The following VPS13B variants were observed in gnomAD, a reference collection of about 807,000 sequenced individuals.
The protein encoded by VPS13B is intermembrane lipid transfer protein VPS13B.
In VPS13B, 285 loss-of-function variants were observed where a neutral mutation model predicts 426.4. That is an observed-to-expected ratio of 0.67 (90% CI 0.61 to 0.74). The LOEUF (loss-of-function observed/expected upper bound fraction) is 0.74. Among genes scored for constraint, VPS13B ranks in the 30% least tolerant of loss-of-function variants. The pLI is 0.00. For missense variants in VPS13B, 4,537 were observed against 4,782.6 expected, an observed-to-expected ratio of 0.95 and a Z score of 1.51; for synonymous variants, 1,676 against 1,676.4, an observed-to-expected ratio of 1.00 and a Z score of 0.01.
chr8:99,476,696 C>T (rs1354625410), intron 24 of VPS13B, among the ~76,000 whole-genome samples: 2 of 151,924 alleles, frequency 1.3e-5, no homozygotes, highest in Non-Finnish European at 2.9e-5. Context: ...AAAAATAAAA[C>T]GTTGCAATCA....
chr8:99,055,765 T>G (rs1843812947), intron 3 of VPS13B, among the ~76,000 whole-genome samples: 1 of 152,084 alleles, frequency 6.6e-6, no homozygotes, highest in Non-Finnish European at 1.5e-5. Flanking sequence ...GGTCTTACTT[T>G]GTCACCCAAG....
chr8:99,721,547 A>G (rs1042944569), intron 39 of VPS13B, among the ~76,000 whole-genome samples: 4 of 151,728 alleles, frequency 2.6e-5, no homozygotes, highest in African/African-American at 9.7e-5. Flanking sequence ...AGGTTTTGTG[A>G]AAGTGTGTTG....
chr8:99,192,965 T>C lies in VPS13B; in HGVS notation c.2423T>C (p.Leu808Ser). 6.2e-7 allele frequency: 1 copy of C among 1,613,738 alleles called. No individual in the cohort carries two copies. Among genetic ancestry groups the C allele is most frequent in the Non-Finnish European group, 8.5e-7 (1 of 1,179,826 alleles). ...GCTACAAGAGCACAGACACTTCTCT[T>C]GCAAGCAATATATCAAAGTTGGTCT... ...IQATRAQTLL[L>S]QAIYQSWSHL... The change falls in exon 17 of 62, where the codon TTG becomes TCG. Residue 808 changes from leucine to serine, a missense_variant. By Grantham distance (145) the Leu-to-Ser change is moderately radical. This residue lies in a region of VPS13B where 4,311 missense variants were observed against 4,474.3 expected (regional missense o/e 0.96). Coordinates refer to ENST00000357162, the MANE Select transcript of VPS13B (RefSeq NM_152564.5).
intron 31 of VPS13B, among the ~76,000 whole-genome samples, chr8:99,560,438 T>C (rs948831273): frequency 6.6e-6 from 1 of 152,174 alleles, no homozygotes; most frequent in Non-Finnish European, 1.5e-5. Flanking sequence ...TAACATATTT[T>C]ATTCTAATTA....
intron 50 of VPS13B, 152 bp downstream of exon 50, chr8:99,821,634 C>A: frequency 1.1e-6 from 1 of 947,630 alleles, no homozygotes; most frequent in South Asian, 1.5e-5. Flanking sequence ...ACTTCTTAGA[C>A]CTCTGTTTTA....
intron 17 of VPS13B, among the ~76,000 whole-genome samples, chr8:99,225,372 C>T (rs1030528211): frequency 2.0e-5 from 3 of 151,806 alleles, no homozygotes; most frequent in Non-Finnish European, 2.9e-5. Context: ...GTTCGCCTCC[C>T]GGGTTCACGC....
intron 19 of VPS13B, among the ~76,000 whole-genome samples, chr8:99,320,507 T>C (rs1319880778): frequency 6.6e-6 from 1 of 152,240 alleles, no homozygotes; most frequent in South Asian, 2.1e-4. Flanking sequence ...GTTACTTGTT[T>C]AACTTTAATC....
intron 19 of VPS13B, among the ~76,000 whole-genome samples, chr8:99,382,357 G>A (rs1019924386): frequency 6.6e-6 from 1 of 152,068 alleles, no homozygotes; most frequent in Admixed American, 6.5e-5. Flanking sequence ...TTCTAGTTCT[G>A]TGAAGAGTGT....
rs1814197860 is a variant in VPS13B at position 99,818,832 on chromosome 8, A to G, written c.8565A>G (p.Glu2855=). 2 of 1,614,090 alleles carry G rather than the reference A, an allele frequency of 1.2e-6. No individual in the cohort carries two copies. The highest frequency in any genetic ancestry group is 1.7e-6 in the Non-Finnish European group (2 of 1,179,980). Residue 2855 remains glutamate (E), a synonymous_variant, in exon 47 of 62, where the codon GAA becomes GAG. Transcript: ENST00000357162. ...AAATTATTCCAGGAAAAGGGCAGGA[A>G]AAACCACTGCAAAACATAGAACCTG... ...ETQIIPGKGQ[E]KPLQNIEPDL...
chr8:99,581,151 C>T (rs952531982), intron 33 of VPS13B, among the ~76,000 whole-genome samples: 3 of 151,090 alleles, frequency 2.0e-5, no homozygotes, highest in Non-Finnish European at 4.4e-5. Flanking sequence ...CCATTGCACT[C>T]CAACCAGGTA....
chr8:99,051,041 C>T (rs1843520279), intron 3 of VPS13B, among the ~76,000 whole-genome samples: 1 of 152,076 alleles, frequency 6.6e-6, no homozygotes, highest in Admixed American at 6.6e-5. Flanking sequence ...TTAATTAGAT[C>T]CCATTTGTCC....
At chr8:99,276,742 T>C (rs184584135) in intron 19 of VPS13B, among the ~76,000 whole-genome samples, 92 of 152,296 alleles carry the variant, frequency 6.0e-4, no homozygotes, top group Middle Eastern at 6.8e-3. Context: ...CTTAAATATA[T>C]TGTTTAGTAA....
intron 19 of VPS13B, among the ~76,000 whole-genome samples, chr8:99,281,093 A>G (rs1819146498): frequency 6.6e-6 from 1 of 152,028 alleles, no homozygotes; most frequent in Admixed American, 6.6e-5. Flanking sequence ...TACTCTTCCA[A>G]CTCAGATCAT....
At chr8:99,696,922 G>T in intron 35 of VPS13B, 4 of 724,590 alleles carry the variant, frequency 5.5e-6, no homozygotes, top group South Asian at 4.2e-5. Context: ...CTCCATAAAG[G>T]CCAATGATAA....
chr8:99,183,819 A>T (rs1375526409), intron 16 of VPS13B, among the ~76,000 whole-genome samples: 2 of 152,188 alleles, frequency 1.3e-5, no homozygotes, highest in Non-Finnish European at 2.9e-5. Context: ...CATACAATTC[A>T]ATGATTTTTA....
intron 23 of VPS13B, among the ~76,000 whole-genome samples, chr8:99,456,213 G>T (rs762800580): frequency 1.3e-5 from 2 of 152,136 alleles, no homozygotes; most frequent in Admixed American, 6.5e-5. Context: ...CTGTCTCCCA[G>T]ACTGGAGTGT....
At chr8:99,542,800 TA>T (rs1344035167) in intron 30 of VPS13B, among the ~76,000 whole-genome samples, 2 of 152,116 alleles carry the variant, frequency 1.3e-5, no homozygotes, top group African/African-American at 4.8e-5. Flanking sequence ...ATTTTATTTG[TA>T]AAACAGGGAT....
chr8:99,100,629 GT>G (rs1209483683), intron 4 of VPS13B, among the ~76,000 whole-genome samples: 1 of 152,042 alleles, frequency 6.6e-6, no homozygotes, highest in Non-Finnish European at 1.5e-5. Context: ...CATCAGTAGT[GT>G]TCTATCAGTT....
chr8:99,851,606 C>G (rs915114045), intron 55 of VPS13B, among the ~76,000 whole-genome samples: 1 of 152,058 alleles, frequency 6.6e-6, no homozygotes, highest in Non-Finnish European at 1.5e-5. Context: ...ATGTGACTAT[C>G]TGAAGGAAGA....
Sources: allele counts gnomAD v4.1 joint callset (sites outside exome capture counted in the v4.1 genomes callset), GRCh38; gene constraint gnomAD v4.1.1; regional missense constraint gnomAD v4.1.1; transcripts MANE v1.5; gene names NCBI Gene and HGNC (gene_info 2026-07-23, HGNC 2026-07-21).